KRTAP4-7: variants seen among roughly 807,000 people sequenced by gnomAD.
KRTAP4-7 encodes keratin associated protein 4-7.
A neutral mutation model predicts 3.0 loss-of-function variants in KRTAP4-7; 1 was observed. The observed-to-expected ratio is 0.33, with a 90% confidence interval of 0.12 to 1.57. The LOEUF is 1.57. Among genes scored for constraint, KRTAP4-7 ranks in the 40% most tolerant of loss-of-function variants. KRTAP4-7 has a pLI of 0.37. For missense variants in KRTAP4-7, 199 were observed against 209.1 expected (o/e 0.95, Z 0.30); for synonymous variants, 70 against 74.6 (o/e 0.94, Z 0.32).
chr17:41,084,190 C>T (rs775618671), exon 1 of KRTAP4-7: 3 of 1,592,672 alleles, frequency 1.9e-6, no homozygotes, highest in Middle Eastern at 1.7e-4. Flanking sequence ...CACCCAGATC[C>T]TCCCCGTTCT....
At chr17:41,084,612 C>G in exon 1 of KRTAP4-7, 1 of 1,600,000 alleles carries the variant, frequency 6.3e-7, no homozygotes, top group Non-Finnish European at 8.5e-7. Context: ...CACTTGCTAT[C>G]GCCCAACCTG....
At chr17:41,084,614 C>T in exon 1 of KRTAP4-7, 1 of 1,600,396 alleles carries the variant, frequency 6.2e-7, no homozygotes, top group South Asian at 1.1e-5. Flanking sequence ...CTTGCTATCG[C>T]CCAACCTGTG....
At chr17:41,084,864 T>C (rs2320192) in exon 1 of KRTAP4-7, 549,055 of 905,480 alleles carry the variant, frequency 0.61, 168,348 homozygotes, top group Middle Eastern at 0.68. Flanking sequence ...AACTCCCTCC[T>C]TTGCTTTCTT....
At chr17:41,084,451 C>T in exon 1 of KRTAP4-7, 1 of 1,507,944 alleles carries the variant, frequency 6.6e-7, no homozygotes, top group African/African-American at 1.4e-5. Flanking sequence ...TGCTGCATCT[C>T]CAGCTGCTGC....
At position 41,084,204 on chromosome 17, in the gene KRTAP4-7, A is replaced by C. The variant is rs2013593817; in HGVS notation, c.-3A>C. On this transcript the variant is annotated 5_prime_UTR_variant, in exon 1 of 1. Coordinates refer to ENST00000391417, the Ensembl canonical transcript of KRTAP4-7. ...CCACCCAGATCCTCCCCGTTCTGAC[A>C]CCATGGTCAGCTCCTGTTGTGGCTC... 3 of 1,602,336 alleles carry C rather than the reference A, an allele frequency of 1.9e-6. No homozygotes were observed. In the Admixed American group the frequency reaches 5.0e-5, roughly 27 times the overall value.
At chr17:41,084,790 C>T in exon 1 of KRTAP4-7, 4 of 1,418,894 alleles carry the variant, frequency 2.8e-6, no homozygotes, top group Non-Finnish European at 3.8e-6. Context: ...TAGGATGGAC[C>T]TTATGCTTCC....
At chr17:41,084,543 A>C (rs9894966) in exon 1 of KRTAP4-7, 10 of 610,706 alleles carry the variant, frequency 1.6e-5, no homozygotes, top group South Asian at 4.5e-5. Context: ...CTGCCGCCCC[A>C]GCTGCTGCCG....
chr17:41,084,359 GC>G lies in KRTAP4-7; in HGVS notation c.157del (p.Gln53SerfsTer154). ...GCTGTTGTGTGTCCAGCTGCTGCAG[GC>G]CCCAGTGCTGCCAGTCTGTGTGCTG... is the stretch of plus-strand genomic sequence containing the variant. On this transcript the variant is annotated frameshift_variant, in exon 1 of 1. Coordinates refer to ENST00000391417, the Ensembl canonical transcript of KRTAP4-7. LOFTEE classifies it low-confidence loss of function (END_TRUNC). 2 of 1,572,808 alleles carry G rather than the reference GC, an allele frequency of 1.3e-6. No individual in the cohort carries two copies. The highest frequency in any genetic ancestry group is 1.7e-6 in the Non-Finnish European group (2 of 1,155,822).
exon 1 of KRTAP4-7, chr17:41,084,809 C>T (rs1460620665): frequency 7.5e-7 from 1 of 1,333,438 alleles, no homozygotes; most frequent in African/African-American, 1.5e-5. Context: ...CCAAAGAGCC[C>T]ACCACCATTT....
chr17:41,084,938 A>G (rs1460600829), exon 1 of KRTAP4-7: 5 of 608,122 alleles, frequency 8.2e-6, no homozygotes, highest in African/African-American at 1.9e-5. Flanking sequence ...AAATTATTCC[A>G]ATCTTCTGAT....
At position 41,084,387 on chromosome 17, in the gene KRTAP4-7, C is replaced by T. The variant is rs1224932327; in HGVS notation, c.181C>T (p.Gln61Ter). 12 of 1,426,160 alleles carry T rather than the reference C, an allele frequency of 8.4e-6. No individual in the cohort carries two copies. The East Asian group carries it at 2.9e-4, about 35-fold the overall frequency. 88.3% of individuals were successfully genotyped at this position (1,426,160 alleles called of 1,614,324 possible). ...CCAGTGCTGCCAGTCTGTGTGCTGC[C>T]AACCCACCTGCTGTCGCCCCACCTG... The change falls in exon 1 of 1, where the codon CAA becomes TAA. Residue 61 changes from glutamine (Q) to a stop codon, truncating the protein, a stop_gained. Transcript: ENST00000391417. LOFTEE classifies it low-confidence loss of function (END_TRUNC).
chr17:41,084,770 T>A, exon 1 of KRTAP4-7: 1 of 1,470,842 alleles, frequency 6.8e-7, no homozygotes, highest in Non-Finnish European at 9.1e-7. Flanking sequence ...GTGGGGTTGA[T>A]GTCATTCAAT....
At chr17:41,084,430 G>A (rs781245126) in exon 1 of KRTAP4-7, 4 of 1,417,136 alleles carry the variant, frequency 2.8e-6, no homozygotes, top group Non-Finnish European at 3.8e-6. Context: ...ACGACCTGCT[G>A]CCACCCTAGG....
chr17:41,084,679 A>T (rs1413772842), exon 1 of KRTAP4-7: 1 of 1,583,840 alleles, frequency 6.3e-7, no homozygotes, highest in East Asian at 2.3e-5. Flanking sequence ...TGCTGAGCCC[A>T]CTGCCCTGGC....
At chr17:41,085,104 T>C in exon 1 of KRTAP4-7, 2 of 223,586 alleles carry the variant, frequency 8.9e-6, no homozygotes, top group Non-Finnish European at 1.9e-5. Flanking sequence ...TTATGCTTTG[T>C]TGTATCTCTG....
chr17:41,084,855 A>C, exon 1 of KRTAP4-7: 1 of 1,029,088 alleles, frequency 9.7e-7, no homozygotes, highest in Non-Finnish European at 1.4e-6. Context: ...TTCATTTTAA[A>C]CTCCCTCCTT....
exon 1 of KRTAP4-7, chr17:41,085,022 T>A (rs1443466257): frequency 2.6e-6 from 1 of 391,968 alleles, no homozygotes; most frequent in East Asian, 4.8e-5. Context: ...GCAGGACCAG[T>A]TTTGTCACTG....
chr17:41,084,372 C>A, exon 1 of KRTAP4-7: 1 of 1,425,992 alleles, frequency 7.0e-7, no homozygotes, highest in Non-Finnish European at 9.5e-7. Context: ...CCAGTGCTGC[C>A]AGTCTGTGTG....
exon 1 of KRTAP4-7, chr17:41,084,756 T>C: frequency 6.7e-7 from 1 of 1,486,836 alleles, no homozygotes. Context: ...TTAGGATACA[T>C]GAAGTGGGGT....
Sources: allele counts gnomAD v4.1 joint callset, GRCh38; gene constraint gnomAD v4.1.1; transcripts MANE v1.5; gene names NCBI Gene and HGNC (gene_info 2026-07-23, HGNC 2026-07-21).